Variants in CAST observed in about 807,000 individuals in gnomAD.
CAST encodes MIR583 host.
In CAST, 76 loss-of-function variants were observed where a neutral mutation model predicts 119.6. That is an observed-to-expected ratio of 0.64 (90% CI 0.53 to 0.77). The LOEUF is 0.77. Among genes scored for constraint, CAST ranks in the 30% least tolerant of loss-of-function variants. The pLI is 0.00. For missense variants in CAST, 953 were observed against 946.5 expected (o/e 1.01, Z -0.09); for synonymous variants, 319 against 331.6 (o/e 0.96, Z 0.41).
At chr5:96,704,739 A>G (rs1468293172) in intron 3 of CAST, among the ~76,000 whole-genome samples, 1 of 152,214 alleles carries the variant, frequency 6.6e-6, no homozygotes, top group Non-Finnish European at 1.5e-5. Context: ...TCATAAGAAC[A>G]TATCGCATAG....
the CAST span, among the ~76,000 whole-genome samples, chr5:96,004,549 A>G: frequency 4.5e-3 from 679 of 152,310 alleles, 10 homozygotes; most frequent in African/African-American, 0.015. Context: ...AGATGGATAA[A>G]CTGGATAACT....
chr5:96,603,128 CT>C (rs1747187234), intron 1 of CAST, among the ~76,000 whole-genome samples: 1 of 152,178 alleles, frequency 6.6e-6, no homozygotes, highest in Non-Finnish European at 1.5e-5. Context: ...ATTGAAATGC[CT>C]TTTGGTTTGT....
At chr5:96,014,332 GCTT>G in the CAST span, among the ~76,000 whole-genome samples, 181 of 152,002 alleles carry the variant, frequency 1.2e-3, 1 homozygote, top group African/African-American at 4.2e-3. Flanking sequence ...ATTAAAAATG[GCTT>G]CTTCTTCTGA....
At chr5:96,511,649 T>C in the CAST span, among the ~76,000 whole-genome samples, 1 of 152,344 alleles carries the variant, frequency 6.6e-6, no homozygotes, top group African/African-American at 2.4e-5. Flanking sequence ...GGACATTTTA[T>C]GCTATCCTTC....
chr5:96,264,839 T>A, the CAST span, among the ~76,000 whole-genome samples: 1 of 152,256 alleles, frequency 6.6e-6, no homozygotes, highest in Non-Finnish European at 1.5e-5. Context: ...GTATGTGAGA[T>A]TAATTCATAT....
intron 1 of CAST, among the ~76,000 whole-genome samples, chr5:96,567,069 A>G (rs1306548880): frequency 6.6e-6 from 1 of 152,180 alleles, no homozygotes; most frequent in Non-Finnish European, 1.5e-5. Context: ...ATTTGAGTGT[A>G]GGCATCTGCA....
the CAST span, among the ~76,000 whole-genome samples, chr5:96,053,776 C>G: frequency 6.6e-6 from 1 of 152,124 alleles, no homozygotes; most frequent in African/African-American, 2.4e-5. Context: ...TCAAATATTA[C>G]TCAGTTTTTC....
At chr5:96,378,473 A>T in the CAST span, among the ~76,000 whole-genome samples, 1 of 152,138 alleles carries the variant, frequency 6.6e-6, no homozygotes, top group Non-Finnish European at 1.5e-5. Context: ...TATAGTTTTG[A>T]TTTGTCAATT....
chr5:96,198,802 A>G, the CAST span, among the ~76,000 whole-genome samples: 1 of 152,172 alleles, frequency 6.6e-6, no homozygotes, highest in Non-Finnish European at 1.5e-5. Flanking sequence ...ACCTGTGGAT[A>G]CAGTTCTCTC....
At chr5:96,507,990 C>CATCATTATTATT in the CAST span, among the ~76,000 whole-genome samples, 11 of 142,266 alleles carry the variant, frequency 7.7e-5, no homozygotes, top group African/African-American at 1.0e-4. Context: ...ATATCCCTGA[C>CATCATTATTATT]ATTATTATTA....
intron 1 of CAST, among the ~76,000 whole-genome samples, chr5:96,606,155 GAAC>G (rs956740847): frequency 1.3e-5 from 2 of 151,516 alleles, no homozygotes; most frequent in Non-Finnish European, 2.9e-5. Context: ...TAAATCACCT[GAAC>G]AACAACAACA....
the CAST span, among the ~76,000 whole-genome samples, chr5:96,357,207 C>A: frequency 6.6e-6 from 1 of 152,168 alleles, no homozygotes; most frequent in East Asian, 1.9e-4. Flanking sequence ...GCTGAAGTTG[C>A]TTATCAGCGT....
the CAST span, among the ~76,000 whole-genome samples, chr5:96,108,018 G>T: frequency 6.6e-6 from 1 of 151,666 alleles, no homozygotes; most frequent in South Asian, 2.1e-4. Context: ...GATCGCATCG[G>T]CTCCTGAGGC....
At chr5:96,470,286 C>T in the CAST span, among the ~76,000 whole-genome samples, 136 of 151,572 alleles carry the variant, frequency 9.0e-4, no homozygotes, top group East Asian at 0.022. Context: ...TCTTTTATAT[C>T]GAAAAATATA....
At chr5:96,653,380 T>C (rs547946302) in intron 1 of CAST, among the ~76,000 whole-genome samples, 22 of 152,290 alleles carry the variant, frequency 1.4e-4, no homozygotes, top group African/African-American at 5.1e-4. Context: ...GAAAAACAGA[T>C]GATTAAAAGA....
chr5:96,261,219 A>G, the CAST span, among the ~76,000 whole-genome samples: 1 of 152,232 alleles, frequency 6.6e-6, no homozygotes, highest in Admixed American at 6.5e-5. Flanking sequence ...ATTTCCTACA[A>G]TGATGAAAAT....
At chr5:96,125,918 T>C in the CAST span, among the ~76,000 whole-genome samples, 2 of 152,156 alleles carry the variant, frequency 1.3e-5, no homozygotes, top group Non-Finnish European at 2.9e-5. Flanking sequence ...CATTGCTTAC[T>C]AGGAGAAAAC....
chr5:96,576,425 A>G (rs1158128395), intron 1 of CAST, among the ~76,000 whole-genome samples: 1 of 151,968 alleles, frequency 6.6e-6, no homozygotes, highest in African/African-American at 2.4e-5. Flanking sequence ...GCTCACTGCA[A>G]TCTCCTCCTT....
intron 16 of CAST, among the ~76,000 whole-genome samples, chr5:96,744,148 A>G (rs1353956341): frequency 6.6e-6 from 1 of 152,240 alleles, no homozygotes; most frequent in African/African-American, 2.4e-5. Flanking sequence ...AGTTCCCTCT[A>G]GAAAACTTCA....
Sources: gnomAD v4.1 joint callset for allele counts (sites outside exome capture counted in the v4.1 genomes callset) on GRCh38, gnomAD v4.1.1 for gene constraint, MANE v1.5 for transcripts, NCBI Gene and HGNC (gene_info 2026-07-23, HGNC 2026-07-21) for gene names.